Variants in PLXNB1 observed in about 807,000 individuals in gnomAD.
PLXNB1 encodes the protein plexin-B1.
PLXNB1 carries 106 observed loss-of-function variants against 209.4 expected under a neutral mutation model. The observed-to-expected ratio is 0.51, with a 90% CI of 0.43 to 0.59. The LOEUF is 0.59. Among genes scored for constraint, PLXNB1 ranks in the 20% least tolerant of loss-of-function variants. The pLI is 0.00. For synonymous variants in PLXNB1, 1,167 were observed against 1,183.2 expected (o/e 0.99, Z 0.28); for missense variants, 2,357 against 2,853.2 (o/e 0.83, Z 3.96).
At position 48,424,090 on chromosome 3, in the gene PLXNB1, G is replaced by C. The variant is rs1201054643; in HGVS notation, c.522C>G (p.Ser174Arg). ...PLLFVGRGYTSRGVGGGIPPI... is the reference protein window; with the variant it reads ...PLLFVGRGYTRRGVGGGIPPI... ...GTGGAATGCCACCCCCCACACCCCT[G>C]CTGGTGTATCCTCGCCCCACAAACA... is the stretch of plus-strand genomic sequence containing the variant. The change falls in exon 3 of 38, where the codon AGC becomes AGG. Residue 174 changes from serine to arginine, a missense_variant. Ser to Arg is a moderately radical substitution (Grantham distance 110). Around this residue, in one of 7 missense-constraint regions of PLXNB1, gnomAD observed 404 missense variants for 443.6 expected, o/e 0.91. Transcript: ENST00000296440. 1 of 1,564,742 alleles carries C rather than the reference G, an allele frequency of 6.4e-7. No individual in the cohort carries two copies. The highest frequency in any genetic ancestry group is 1.2e-5 in the South Asian group (1 of 86,128).
rs1468032942 is a variant in PLXNB1, at chr3:48,404,452, G to C, written c.*34C>G. On this transcript the variant is annotated 3_prime_UTR_variant, in exon 38 of 38. Coordinates refer to ENST00000296440, the MANE Select transcript of PLXNB1 (RefSeq NM_001130082.3). Reference sequence around the variant, plus strand: ...GAGCTTCCAGGGCTGCCCAGGCCAGGCTGAAGCAACAGCAGGCCGTGGCTC... The same window carrying C: ...GAGCTTCCAGGGCTGCCCAGGCCAGCCTGAAGCAACAGCAGGCCGTGGCTC... 6.9e-7 allele frequency: 1 copy of C among 1,457,612 alleles called. No homozygotes were observed. The highest frequency in any genetic ancestry group is 1.2e-5 in the South Asian group (1 of 86,404). 90.3% of individuals were successfully genotyped at this position (1,457,612 alleles called of 1,614,324 possible).
Position 48,411,118 on chromosome 3 carries a change from T to G in PLXNB1, c.5248-82A>C. The G allele has an allele frequency of 1.6e-6, 2 of 1,245,606 alleles. No individual in the cohort carries two copies. Among genetic ancestry groups the G allele is most frequent in the Non-Finnish European group, 2.2e-6 (2 of 896,046 alleles). The allele number at this position is 1,245,606 out of a possible 1,614,324, so 77.2% of individuals were successfully genotyped here. A position where few individuals can be genotyped will look rare whatever the true frequency, so the allele number is the denominator to read the frequency against. On this transcript the variant is annotated intron_variant, in intron 28 of 37. Coordinates refer to ENST00000296440, the MANE Select transcript of PLXNB1 (RefSeq NM_001130082.3). The surrounding 1 kb of genome is among the most constrained non-coding windows in gnomAD (Gnocchi z 4.0). Reference sequence around the variant, plus strand: ...ACAGGCCAAGGGCAGAGACAACTCATGAGAAACTGCTGCCTCCAATCCCCA... The same window carrying G: ...ACAGGCCAAGGGCAGAGACAACTCAGGAGAAACTGCTGCCTCCAATCCCCA...
chr3:48,415,147 G>C lies in PLXNB1; in HGVS notation c.3966+29C>G. ...CAGGGTGTGGTATGGGGCAAGGGGA[G>C]AGTGTGGGGGTACCCAAGGGTGTCC... On this transcript the variant is annotated intron_variant, in intron 20 of 37. Transcript: ENST00000296440. The surrounding 1 kb of genome is among the most constrained non-coding windows in gnomAD (Gnocchi z 5.0). The C allele has an allele frequency of 6.2e-7, 1 of 1,607,622 alleles. No individual in the cohort carries two copies. The highest frequency in any genetic ancestry group is 8.5e-7 in the Non-Finnish European group (1 of 1,175,142).
In PLXNB1 at chr3:48,404,532, A is replaced by C; in HGVS notation, c.6362T>G (p.Leu2121Arg). ...TAQKMQLGYR[L>R]QQIAAAVENK... The stretch of plus-strand genomic sequence containing the variant: ...TTCCACAGCAGCTGCAATCTGCTGG[A>C]GCCGATAGCCCAGCTGCATCTTCTG... Residue 2121 changes from leucine to arginine, a missense_variant, in exon 38 of 38, where the codon CTC becomes CGC. Physicochemically the swap from Leu to Arg is moderately radical, Grantham distance 102. Around this residue, in one of 7 missense-constraint regions of PLXNB1, gnomAD observed 414 missense variants for 520.5 expected, o/e 0.80. Coordinates refer to ENST00000296440, the MANE Select transcript of PLXNB1 (RefSeq NM_001130082.3). 6.2e-7 allele frequency: 1 copy of C among 1,613,890 alleles called. No homozygotes were observed. Among genetic ancestry groups the C allele is most frequent in the Non-Finnish European group, 8.5e-7 (1 of 1,179,846 alleles).
Position 48,424,513 on chromosome 3 carries a change from C to A in PLXNB1, c.99G>T (p.Thr33=), listed in dbSNP as rs141235519. The change falls in exon 3 of 38, where the codon ACG becomes ACT. Residue 33 remains threonine, a synonymous_variant. Coordinates refer to ENST00000296440, the MANE Select transcript of PLXNB1 (RefSeq NM_001130082.3). ...LPPTAFTPNG[T]YLQHLARDPT... is the part of the protein sequence containing the mutation. ...GGTCCCTTGCCAGGTGCTGCAGATACGTGCCATTGGGAGTGAATGCAGTTG... is the reference window on the plus strand; with the variant it reads ...GGTCCCTTGCCAGGTGCTGCAGATAAGTGCCATTGGGAGTGAATGCAGTTG... 1,088 of 1,601,368 alleles carry A rather than the reference C, an allele frequency of 6.8e-4. 3 individuals carry two copies. The highest frequency in any genetic ancestry group is 1.3e-3 in the Middle Eastern group (8 of 6,050).
At position 48,406,855 on chromosome 3, in the gene PLXNB1, C is replaced by T. The variant is rs1409377624; in HGVS notation, c.6196G>A (p.Glu2066Lys). 6.2e-7 allele frequency: 1 copy of T among 1,612,710 alleles called. No homozygotes were observed. Among genetic ancestry groups the T allele is most frequent in the Non-Finnish European group, 8.5e-7 (1 of 1,179,372 alleles). The stretch of plus-strand genomic sequence containing the variant: ...AGTTCAGCCAGGACAGAGTTCATCT[C>T]TTGGTCGCTGGCTGGGACAGTCTGT... ...IRQTVPASDQ[E>K]MNSVLAELSW... The change falls in exon 36 of 38, where the codon GAG (glutamate) becomes AAG (lysine). Residue 2066 changes from glutamate to lysine, a missense_variant. Coordinates refer to ENST00000296440, the MANE Select transcript of PLXNB1 (RefSeq NM_001130082.3). The surrounding 1 kb of genome is among the most constrained non-coding windows in gnomAD (Gnocchi z 4.4).
intron 6 of PLXNB1, 33 bp from the exon 7 acceptor site, chr3:48,421,839 C>T: frequency 1.9e-6 from 3 of 1,582,358 alleles, no homozygotes; most frequent in Non-Finnish European, 2.6e-6. Flanking sequence ...ATCTGTGACC[C>T]TCATGGGCCA....
In PLXNB1 at chr3:48,419,141, T is replaced by A. The variant is rs1351300198; in HGVS notation, c.2833-102A>T. The A allele has an allele frequency of 1.9e-6, 3 of 1,568,662 alleles. No homozygotes were observed. The African/African-American group carries it at 4.0e-5, about 21-fold the overall frequency. ...CCCCAGCACAGCTTCTGGGTTGGAGTTGAGCCCTCGGACTCTGCCCTCCTC... is the reference window on the plus strand; with the variant it reads ...CCCCAGCACAGCTTCTGGGTTGGAGATGAGCCCTCGGACTCTGCCCTCCTC... On this transcript the variant is annotated intron_variant, in intron 12 of 37. Transcript: ENST00000296440. This position sits in a 1 kb window ranked among gnomAD's most constrained non-coding sequence, Gnocchi z 5.7.
In PLXNB1 at chr3:48,413,501, G is replaced by C; in HGVS notation, c.4535+169C>G. ...CGTCCCTGGCTGCCTTTGTGCCACA[G>C]TGGCAAAGCTGAGTTGTTGAACAGA... On this transcript the variant is annotated intron_variant, in intron 23 of 37. Coordinates refer to ENST00000296440, the MANE Select transcript of PLXNB1 (RefSeq NM_001130082.3). The surrounding 1 kb of genome is among the most constrained non-coding windows in gnomAD (Gnocchi z 5.4). 1 of 687,124 alleles carries C rather than the reference G, an allele frequency of 1.5e-6. No homozygotes were observed. The highest frequency in any genetic ancestry group is 2.4e-6 in the Non-Finnish European group (1 of 417,658). 42.6% of individuals were successfully genotyped at this position (687,124 alleles called of 1,614,324 possible). A position where few individuals can be genotyped will look rare whatever the true frequency, so the allele number is the denominator to read the frequency against.
chr3:48,413,016 G>A lies in PLXNB1; in HGVS notation c.4636+53C>T. The A allele has an allele frequency of 1.2e-6, 2 of 1,607,980 alleles. No individual in the cohort carries two copies. The highest frequency in any genetic ancestry group is 1.7e-6 in the Non-Finnish European group (2 of 1,174,446). On this transcript the variant is annotated intron_variant, in intron 24 of 37. Coordinates refer to ENST00000296440, the MANE Select transcript of PLXNB1 (RefSeq NM_001130082.3). This position sits in a 1 kb window ranked among gnomAD's most constrained non-coding sequence, Gnocchi z 5.4. ...TGTTAAGCACCAATCCCGTGTGATGGGAGTGGGTTTGGGCAGAGTTCTGGA... is the reference window on the plus strand; with the variant it reads ...TGTTAAGCACCAATCCCGTGTGATGAGAGTGGGTTTGGGCAGAGTTCTGGA...
chr3:48,419,166 C>A lies in PLXNB1; in HGVS notation c.2832+78G>T. 1 of 1,555,718 alleles carries A rather than the reference C, an allele frequency of 6.4e-7. No individual in the cohort carries two copies. The highest frequency in any genetic ancestry group is 8.7e-7 in the Non-Finnish European group (1 of 1,145,854). ...TTGAGCCCTCGGACTCTGCCCTCCT[C>A]CTGCTCCCCAGGGCTTGTGCAGAGT... is the stretch of plus-strand genomic sequence containing the variant. On this transcript the variant is annotated intron_variant, in intron 12 of 37. Coordinates refer to ENST00000296440, the MANE Select transcript of PLXNB1 (RefSeq NM_001130082.3). This position sits in a 1 kb window ranked among gnomAD's most constrained non-coding sequence, Gnocchi z 5.7.
In PLXNB1 at chr3:48,408,236, C is replaced by G. The variant is rs149379535; in HGVS notation, c.6087+1093G>C. 4.1e-3 allele frequency among the ~76,000 whole-genome samples: 617 copies of G among 152,240 alleles called. 8 individuals are homozygous for G. Among genetic ancestry groups the G allele is most frequent in the African/African-American group, 0.014 (591 of 41,542 alleles). ...ATGTTGCCCAGGCTGGTCTCAAACT[C>G]CTGAGCTCCTCAGGCGATCTGCCCA... On this transcript the variant is annotated intron_variant, in intron 34 of 37. Coordinates refer to ENST00000296440, the MANE Select transcript of PLXNB1 (RefSeq NM_001130082.3).
At position 48,421,690 on chromosome 3, in the gene PLXNB1, C is replaced by G. The variant is rs754980263; in HGVS notation, c.1637G>C (p.Arg546Pro). Residue 546 changes from arginine (R) to proline (P), a missense_variant, in exon 7 of 38, where the codon CGA (arginine) becomes CCA (proline). Physicochemically the swap from Arg to Pro is moderately radical, Grantham distance 103 (BLOSUM62 -2). This residue lies in a region of PLXNB1 where 214 missense variants were observed against 297.1 expected (regional missense o/e 0.72). Transcript: ENST00000296440. ...ATCATTCACCTCCCTCGTCTCCTCT[C>G]GGCTGATGTTGGCAGGACTCATGGC... ...VAAMSPANIS[R>P]EETREVFLSV... 6.2e-7 allele frequency: 1 copy of G among 1,606,016 alleles called. No individual in the cohort carries two copies. Among genetic ancestry groups the G allele is most frequent in the Non-Finnish European group, 8.5e-7 (1 of 1,173,710 alleles).
intron 37 of PLXNB1, among the ~76,000 whole-genome samples, chr3:48,404,845 C>G (rs1170031772): frequency 6.6e-6 from 1 of 152,142 alleles, no homozygotes; most frequent in Non-Finnish European, 1.5e-5. Flanking sequence ...TCCTCAGAAG[C>G]CCTGCTGCAG....
intron 6 of PLXNB1, 102 bp downstream of exon 6, chr3:48,422,003 G>T: frequency 5.4e-6 from 7 of 1,296,244 alleles, no homozygotes; most frequent in East Asian, 2.3e-5. Flanking sequence ...GGGGATCAGG[G>T]GTTGAGAGTC....
chr3:48,406,641 T>A lies in PLXNB1; in HGVS notation c.6228+182A>T. The A allele has an allele frequency of 7.0e-7, 1 of 1,418,842 alleles. No individual in the cohort carries two copies. The highest frequency in any genetic ancestry group is 9.2e-7 in the Non-Finnish European group (1 of 1,089,012). The allele number at this position is 1,418,842 out of a possible 1,614,324, so 87.9% of individuals were successfully genotyped here. On this transcript the variant is annotated intron_variant, in intron 36 of 37. Coordinates refer to ENST00000296440, the MANE Select transcript of PLXNB1 (RefSeq NM_001130082.3). This position sits in a 1 kb window ranked among gnomAD's most constrained non-coding sequence, Gnocchi z 4.4. ...GACCCCTGCTTGCTCTGTGATGAGA[T>A]GGTGGGAGCCCTGGTCTTTCAGTGG... is the stretch of plus-strand genomic sequence containing the variant.
intron 6 of PLXNB1, 36 bp from the exon 7 acceptor site, chr3:48,421,842 A>G: frequency 6.3e-7 from 1 of 1,580,880 alleles, no homozygotes; most frequent in South Asian, 1.1e-5. Context: ...TGTGACCCTC[A>G]TGGGCCACTG....
Position 48,412,596 on chromosome 3 carries a change from G to C in PLXNB1, c.4879C>G (p.Arg1627Gly), listed in dbSNP as rs200158236. ...GCACGGTCCCGAGCTGAAAAGGTGC[G>C]CTGGCTCTCCAGCGTGTGGATGAAC... ...TKFIHTLESQ[R>G]TFSARDRAYV... Residue 1627 changes from arginine to glycine, a missense_variant, in exon 26 of 38, where the codon CGC becomes GGC. Transcript: ENST00000296440. 1 of 1,613,560 alleles carries C rather than the reference G, an allele frequency of 6.2e-7. No individual in the cohort carries two copies. The highest frequency in any genetic ancestry group is 2.2e-5 in the East Asian group (1 of 44,886).
chr3:48,422,732 T>A, intron 4 of PLXNB1, 33 bp downstream of exon 4: 1 of 1,601,104 alleles, frequency 6.2e-7, no homozygotes, highest in Non-Finnish European at 8.5e-7. Context: ...CTCCAGACTC[T>A]GGGGCAGGGG....
Sources: gnomAD v4.1 joint callset for allele counts (sites outside exome capture counted in the v4.1 genomes callset) on GRCh38, gnomAD v4.1.1 for gene constraint, gnomAD v4.1.1 regional missense constraint, Gnocchi (gnomAD v3.1) non-coding constraint, MANE v1.5 for transcripts, NCBI Gene and HGNC (gene_info 2026-07-23, HGNC 2026-07-21) for gene names.